PALS2: variants seen among roughly 807,000 people sequenced by gnomAD.
The protein encoded by PALS2 is protein associated with LIN7 2, MAGUK p55 family member.
In PALS2, 27 loss-of-function variants were observed where a neutral mutation model predicts 61.6. The observed-to-expected ratio is 0.44, with a 90% confidence interval of 0.32 to 0.60. The LOEUF (loss-of-function observed/expected upper bound fraction) is 0.60. Ranked by LOEUF, PALS2 falls within the 20% of genes least tolerant of loss-of-function variation. The probability of loss-of-function intolerance (pLI) is 0.05; values close to 1 mark genes in which losing one functional copy is unlikely to be tolerated. For missense variants in PALS2, 554 were observed against 639.4 expected, an observed-to-expected ratio of 0.87 and a Z score of 1.44; for synonymous variants, 236 against 218.6, an observed-to-expected ratio of 1.08 and a Z score of -0.70.
chr7:24,640,425 C>A (rs927500152), intron 2 of PALS2, among the ~76,000 whole-genome samples: 1 of 152,094 alleles, frequency 6.6e-6, no homozygotes, highest in Non-Finnish European at 1.5e-5. Context: ...AAAATAACAT[C>A]TAAAGTATGA....
At chr7:24,580,800 G>C (rs1782812238) in intron 1 of PALS2, among the ~76,000 whole-genome samples, 1 of 152,104 alleles carries the variant, frequency 6.6e-6, no homozygotes, top group African/African-American at 2.4e-5. Context: ...CAAGAGGTTG[G>C]CGTTTAGTCA....
intron 9 of PALS2, among the ~76,000 whole-genome samples, chr7:24,672,196 C>CTGTTTTGTTTTGTTTTGTTTTGTTT (rs57538997): frequency 6.9e-6 from 1 of 145,084 alleles, no homozygotes; most frequent in Admixed American, 6.9e-5. Context: ...CTACTGCCAT[C>CTGTTTTGTTTTGTTTTGTTTTGTTT]TGTTTTGTTT....
chr7:24,661,482 G>A (rs1370807460), intron 5 of PALS2, among the ~76,000 whole-genome samples: 1 of 152,106 alleles, frequency 6.6e-6, no homozygotes, highest in Non-Finnish European at 1.5e-5. Context: ...TGAGCTTTAT[G>A]GTTACAAAAT....
intron 9 of PALS2, among the ~76,000 whole-genome samples, chr7:24,672,459 G>A (rs1040363216): frequency 6.6e-6 from 1 of 151,982 alleles, no homozygotes; most frequent in Non-Finnish European, 1.5e-5. Context: ...TCGAACTCCT[G>A]ACCTCAGGTG....
At chr7:24,640,833 C>A (rs1316735765) in intron 2 of PALS2, among the ~76,000 whole-genome samples, 1 of 151,678 alleles carries the variant, frequency 6.6e-6, no homozygotes, top group Non-Finnish European at 1.5e-5. Context: ...ATGGTGAAAC[C>A]CTGTCTCTAC....
chr7:24,575,840 C>G (rs1782623120), intron 1 of PALS2, among the ~76,000 whole-genome samples: 1 of 152,226 alleles, frequency 6.6e-6, no homozygotes, highest in East Asian at 1.9e-4. Context: ...TGACATCACT[C>G]TAATATAAAT....
rs1334927762 is a variant in PALS2 at position 24,650,684 on chromosome 7, G to A, written c.623G>A (p.Ser208Asn). Reference protein sequence around the residue: ...SGSVTLKILPSYRDTITPQQV... With the variant: ...SGSVTLKILPNYRDTITPQQV... Reference sequence around the variant, plus strand: ...AGTGTCACCCTAAAAATCTTACCAAGTTATAGAGATACCATTACTCCTCAA... The same window carrying A: ...AGTGTCACCCTAAAAATCTTACCAAATTATAGAGATACCATTACTCCTCAA... The change falls in exon 5 of 12, where the codon AGT (serine) becomes AAT (asparagine). Residue 208 changes from serine to asparagine, a missense_variant. Coordinates refer to ENST00000222644, the MANE Select transcript of PALS2 (RefSeq NM_001303037.2). 1 of 1,600,226 alleles carries A rather than the reference G, an allele frequency of 6.2e-7. No homozygotes were observed. The highest frequency in any genetic ancestry group is 8.6e-7 in the Non-Finnish European group (1 of 1,168,958).
intron 1 of PALS2, among the ~76,000 whole-genome samples, chr7:24,595,269 T>A (rs117842189): frequency 0.039 from 5,863 of 151,002 alleles, 153 homozygotes; most frequent in Non-Finnish European, 0.058. Context: ...ATTTAGGAAG[T>A]AACATGATAA....
intron 5 of PALS2, among the ~76,000 whole-genome samples, chr7:24,661,765 A>G (rs1187781825): frequency 6.6e-6 from 1 of 152,154 alleles, no homozygotes; most frequent in Non-Finnish European, 1.5e-5. Flanking sequence ...ATGGTCTAGT[A>G]GTTTGTTTAT....
intron 11 of PALS2, among the ~76,000 whole-genome samples, chr7:24,684,463 C>A (rs180983001): frequency 2.0e-5 from 3 of 152,250 alleles, no homozygotes; most frequent in African/African-American, 7.2e-5. Flanking sequence ...CTAGTAATGT[C>A]TGATAATTCC....
intron 1 of PALS2, among the ~76,000 whole-genome samples, chr7:24,583,009 C>T (rs1361761233): frequency 6.6e-6 from 1 of 150,500 alleles, no homozygotes; most frequent in Non-Finnish European, 1.5e-5. Flanking sequence ...ATTCTCCTGC[C>T]TCAGCTTCCT....
intron 1 of PALS2, among the ~76,000 whole-genome samples, chr7:24,610,311 C>T (rs1277265425): frequency 1.3e-5 from 2 of 152,114 alleles, no homozygotes; most frequent in Non-Finnish European, 2.9e-5. Flanking sequence ...TGCTGTATCA[C>T]CTTTTTCTGT....
chr7:24,665,723 T>G (rs1466463353), intron 7 of PALS2, 36 bp downstream of exon 7: 5 of 1,553,574 alleles, frequency 3.2e-6, no homozygotes, highest in Non-Finnish European at 4.4e-6. Flanking sequence ...CAAGCAGTCC[T>G]TTGTGACCAC....
intron 6 of PALS2, among the ~76,000 whole-genome samples, chr7:24,664,661 T>C (rs1465722266): frequency 6.6e-6 from 1 of 152,134 alleles, no homozygotes; most frequent in East Asian, 1.9e-4. Flanking sequence ...TAAAACATTA[T>C]GTATAAGTGC....
rs188315279 is a variant in PALS2, at chr7:24,634,735, C to T, written c.118-6981C>T. Among the ~76,000 whole-genome samples the T allele has an allele frequency of 4.3e-4, 66 of 152,228 alleles. No homozygotes were observed. In the South Asian group the frequency reaches 6.4e-3, roughly 15 times the overall value. Reference sequence around the variant, plus strand: ...AGTTAGTTTTTTGTATACGATATTACGTTAGGCACCAACTTCTGTCTTTTA... The same window carrying T: ...AGTTAGTTTTTTGTATACGATATTATGTTAGGCACCAACTTCTGTCTTTTA... On this transcript the variant is annotated intron_variant, in intron 2 of 11. Transcript: ENST00000222644.
At chr7:24,600,102 T>G (rs1783665483) in intron 1 of PALS2, among the ~76,000 whole-genome samples, 1 of 152,198 alleles carries the variant, frequency 6.6e-6, no homozygotes, top group African/African-American at 2.4e-5. Context: ...TGGGTTTGTT[T>G]CTGTTTTTCA....
rs1158503272 is a variant in PALS2 at position 24,596,571 on chromosome 7, A to G, written c.-3+22978A>G. Among the ~76,000 whole-genome samples, 1 of 152,084 alleles carries G rather than the reference A, an allele frequency of 6.6e-6. No individual in the cohort carries two copies. The highest frequency in any genetic ancestry group is 1.5e-5 in the Non-Finnish European group (1 of 67,994). On this transcript the variant is annotated intron_variant, in intron 1 of 11. Coordinates refer to ENST00000222644, the MANE Select transcript of PALS2 (RefSeq NM_001303037.2). This position sits in a 1 kb window ranked among gnomAD's most constrained non-coding sequence, Gnocchi z 4.5. ...ACAATTTTGATTCATTATACTACAT[A>G]TTTTCTTGTAAAATAATGAAGTTTT...
Position 24,618,923 on chromosome 7 carries a change from AC to A in PALS2, c.-2-4741del, listed in dbSNP as rs1784391219. 6.6e-6 allele frequency among the ~76,000 whole-genome samples: 1 copy of A among 152,186 alleles called. No individual in the cohort carries two copies. The highest frequency in any genetic ancestry group is 2.4e-5 in the African/African-American group (1 of 41,468). ...GCGGAGGAATGTGCACCAGACACTT[AC>A]CGTCAGCCATCTTACTGACATCACT... On this transcript the variant is annotated intron_variant, in intron 1 of 11. Transcript: ENST00000222644. The surrounding 1 kb of genome is among the most constrained non-coding windows in gnomAD (Gnocchi z 5.1).
chr7:24,651,495 G>A (rs1390966448), intron 5 of PALS2, among the ~76,000 whole-genome samples: 1 of 152,194 alleles, frequency 6.6e-6, no homozygotes, highest in East Asian at 1.9e-4. Flanking sequence ...GATTAAACGA[G>A]TTAATTCATG....
Sources: allele counts gnomAD v4.1 joint callset (sites outside exome capture counted in the v4.1 genomes callset), GRCh38; gene constraint gnomAD v4.1.1; non-coding constraint Gnocchi (gnomAD v3.1); transcripts MANE v1.5; gene names NCBI Gene and HGNC (gene_info 2026-07-23, HGNC 2026-07-21).